ALKBH3: variants seen among roughly 807,000 people sequenced by gnomAD.
The protein encoded by ALKBH3 is alpha-ketoglutarate-dependent dioxygenase alkB homolog 3.
A neutral mutation model predicts 43.9 loss-of-function variants in ALKBH3; 51 were observed. That is an observed-to-expected ratio of 1.16 (90% CI 0.93 to 1.47). The LOEUF (loss-of-function observed/expected upper bound fraction) is 1.47. Among genes scored for constraint, ALKBH3 ranks in the 40% most tolerant of loss-of-function variants. ALKBH3 has a pLI of 0.00. For synonymous variants in ALKBH3, 102 were observed against 115.2 expected (o/e 0.89, Z 0.73); for missense variants, 361 against 351.9 (o/e 1.03, Z -0.21).
chr11:43,890,574 C>T (rs867156592), intron 6 of ALKBH3, among the ~76,000 whole-genome samples: 1 of 152,082 alleles, frequency 6.6e-6, no homozygotes, highest in African/African-American at 2.4e-5. Context: ...TTCATAAAAA[C>T]TATCATAGTG....
chr11:43,892,189 T>C (rs1373192906), intron 7 of ALKBH3, 60 bp downstream of exon 7: 3 of 1,407,810 alleles, frequency 2.1e-6, no homozygotes, highest in Non-Finnish European at 3.0e-6. Context: ...TGTTGAGTGC[T>C]ATAAAATAAC....
Position 43,881,100 on chromosome 11 carries a change from G to A in ALKBH3, c.-150G>A, listed in dbSNP as rs11555640. 3,653 of 152,678 alleles carry A rather than the reference G, an allele frequency of 0.024. 64 individuals are homozygous for A. Among genetic ancestry groups the A allele is most frequent in the Middle Eastern group, 0.058 (17 of 294 alleles). The allele number at this position is 152,678 out of a possible 1,614,324, so 9.5% of individuals were successfully genotyped here. A position where few individuals can be genotyped will look rare whatever the true frequency, so the allele number is the denominator to read the frequency against. The stretch of plus-strand genomic sequence containing the variant: ...TATCCACGACCAAGCTCTTCCACCT[G>A]CGGAGCTCGCTTAGTCTGCACCTCA... On this transcript the variant is annotated 5_prime_UTR_variant, in exon 1 of 10. Transcript: ENST00000302708.
At chr11:43,901,421 G>T in intron 7 of ALKBH3, 95 bp from the exon 8 acceptor site, 2 of 1,404,630 alleles carry the variant, frequency 1.4e-6, no homozygotes, top group Non-Finnish European at 2.0e-6. Flanking sequence ...GTTATAACTT[G>T]GCTGATTTTG....
Position 43,886,951 on chromosome 11 carries a change from C to T in ALKBH3, c.266+298C>T, listed in dbSNP as rs568639202. On this transcript the variant is annotated intron_variant, in intron 5 of 9. Transcript: ENST00000302708. ...GGGAACAATAGACACTGGGGCTTGTCGGTGGGTGGAGGGTGGGAGGAGGGA... is the reference window on the plus strand; with the variant it reads ...GGGAACAATAGACACTGGGGCTTGTTGGTGGGTGGAGGGTGGGAGGAGGGA... 2.0e-5 allele frequency among the ~76,000 whole-genome samples: 3 copies of T among 151,932 alleles called. 1 individual carries two copies. Among genetic ancestry groups the T allele is most frequent in the South Asian group, 4.2e-4 (2 of 4,794 alleles).
intron 7 of ALKBH3, among the ~76,000 whole-genome samples, chr11:43,893,901 A>G (rs1406741248): frequency 6.6e-6 from 1 of 152,162 alleles, no homozygotes; most frequent in African/African-American, 2.4e-5. Flanking sequence ...TTAAATTTAG[A>G]TATAGGGTCT....
chr11:43,897,555 C>G (rs1646648454), intron 7 of ALKBH3: 1 of 781,870 alleles, frequency 1.3e-6, no homozygotes, highest in Non-Finnish European at 2.4e-6. Context: ...TCCTTTGATT[C>G]CGACATTCAT....
In ALKBH3 at chr11:43,886,650, C is replaced by G; in HGVS notation, c.263C>G (p.Ser88Cys). Reference sequence around the variant, plus strand: ...ATCAGCCTGTCACCCACAGGTGTATCTAGGTAAGCAAATCCTCACAAGAAG... The same window carrying G: ...ATCAGCCTGTCACCCACAGGTGTATGTAGGTAAGCAAATCCTCACAAGAAG... ...YEISLSPTGV[S>C]RVCLYPGFVD... is the part of the protein sequence containing the mutation. Residue 88 changes from serine (S) to cysteine (C), a missense_variant, in exon 5 of 10, where the codon TCT becomes TGT. Physicochemically the swap from Ser to Cys is moderately radical, Grantham distance 112. Transcript: ENST00000302708. 6.2e-7 allele frequency: 1 copy of G among 1,613,918 alleles called. No homozygotes were observed. The highest frequency in any genetic ancestry group is 8.5e-7 in the Non-Finnish European group (1 of 1,179,814).
intron 7 of ALKBH3, among the ~76,000 whole-genome samples, chr11:43,900,215 ATTTTTT>A (rs34274072): frequency 1.1e-5 from 1 of 87,148 alleles, no homozygotes; most frequent in Non-Finnish European, 2.2e-5. Context: ...TTTTAATTTA[ATTTTTT>A]TTTTTTTTTT....
At chr11:43,911,221 G>T (rs1451163814) in intron 8 of ALKBH3, among the ~76,000 whole-genome samples, 1 of 152,208 alleles carries the variant, frequency 6.6e-6, no homozygotes, top group Non-Finnish European at 1.5e-5. Flanking sequence ...GACTAAGGTG[G>T]CATTGGGGAT....
chr11:43,910,127 T>G (rs1951926586), intron 8 of ALKBH3: 2 of 152,234 alleles, frequency 1.3e-5, no homozygotes, highest in African/African-American at 4.8e-5. Context: ...CTTTTCTCAT[T>G]GCTATTTTTC....
At chr11:43,886,977 G>A (rs1191461108) in intron 5 of ALKBH3, among the ~76,000 whole-genome samples, 2 of 152,106 alleles carry the variant, frequency 1.3e-5, no homozygotes, top group African/African-American at 2.4e-5. Flanking sequence ...GGAGGAGGGA[G>A]AGGAACAGGA....
intron 8 of ALKBH3, among the ~76,000 whole-genome samples, chr11:43,905,448 T>G (rs1951889495): frequency 6.6e-6 from 1 of 152,146 alleles, no homozygotes; most frequent in Admixed American, 6.5e-5. Context: ...TTTTGTTTTT[T>G]TTTTTCACTG....
intron 6 of ALKBH3, among the ~76,000 whole-genome samples, chr11:43,890,927 T>TA (rs2135181794): frequency 6.6e-6 from 1 of 152,362 alleles, no homozygotes; most frequent in African/African-American, 2.4e-5. Flanking sequence ...TAGTATCCTT[T>TA]AAATCATCTC....
intron 7 of ALKBH3, chr11:43,899,077 G>A: frequency 1.3e-6 from 1 of 751,856 alleles, no homozygotes; most frequent in Admixed American, 1.7e-5. Flanking sequence ...GTCACCACTT[G>A]GAATTTTGAC....
chr11:43,904,704 C>CT (rs1951884470), intron 8 of ALKBH3, among the ~76,000 whole-genome samples: 3 of 152,008 alleles, frequency 2.0e-5, no homozygotes, highest in African/African-American at 4.8e-5. Context: ...ATAAATAATC[C>CT]TTTTTTCCAA....
At chr11:43,885,788 A>G (rs535367291) in intron 4 of ALKBH3, among the ~76,000 whole-genome samples, 2 of 152,348 alleles carry the variant, frequency 1.3e-5, no homozygotes, top group East Asian at 3.9e-4. Context: ...ATTTAATCAG[A>G]TAAATTGTAA....
intron 3 of ALKBH3, 68 bp downstream of exon 3, chr11:43,883,256 A>T: frequency 9.2e-7 from 1 of 1,084,260 alleles, no homozygotes; most frequent in East Asian, 2.5e-5. Flanking sequence ...CACACAGTAG[A>T]CACTCAAATA....
At position 43,901,528 on chromosome 11, in the gene ALKBH3, C is replaced by T. The variant is rs1390669243; in HGVS notation, c.472C>T (p.Leu158=). 9.9e-6 allele frequency: 16 copies of T among 1,613,470 alleles called. No individual in the cohort carries two copies. The Admixed American group carries it at 2.5e-4, about 25-fold the overall frequency. The change falls in exon 8 of 10, where the codon CTG becomes TTG. Residue 158 remains leucine (L), a synonymous_variant. Transcript: ENST00000302708. ...MEPNPHWHPV[L]RTLKNRIEEN... ...CTGTGGATTGCAGTGGCACCCTGTGCTGCGCACACTAAAGAACCGCATTGA... is the reference window on the plus strand; with the variant it reads ...CTGTGGATTGCAGTGGCACCCTGTGTTGCGCACACTAAAGAACCGCATTGA...
rs185698619 is a variant in ALKBH3, at chr11:43,900,203, T to A, written c.460-1313T>A. ...AATGGATTTGTGATTGCATTTTTTT[T>A]ATTTTAATTTAATTTTTTTTTTTTT... On this transcript the variant is annotated intron_variant, in intron 7 of 9. Coordinates refer to ENST00000302708, the MANE Select transcript of ALKBH3 (RefSeq NM_139178.4). 4.3e-3 allele frequency among the ~76,000 whole-genome samples: 628 copies of A among 147,114 alleles called. 5 individuals are homozygous for A. The highest frequency in any genetic ancestry group is 8.4e-3 in the Admixed American group (116 of 13,810).
Sources: allele counts gnomAD v4.1 joint callset (sites outside exome capture counted in the v4.1 genomes callset), GRCh38; gene constraint gnomAD v4.1.1; transcripts MANE v1.5; gene names NCBI Gene and HGNC (gene_info 2026-07-23, HGNC 2026-07-21).